C12orf42: variants seen among roughly 807,000 people sequenced by gnomAD.
C12orf42 encodes chromosome 12 open reading frame 42.
In C12orf42, 25 loss-of-function variants were observed where a neutral mutation model predicts 21.6. The observed-to-expected ratio is 1.16, with a 90% CI of 0.84 to 1.62. The LOEUF (loss-of-function observed/expected upper bound fraction) is 1.62. Ranked by LOEUF, C12orf42 falls within the 40% of genes most tolerant of loss-of-function variation. The pLI is 0.00. For missense variants in C12orf42, 483 were observed against 459.3 expected (o/e 1.05, Z -0.47); for synonymous variants, 174 against 175.0 (o/e 0.99, Z 0.05).
the C12orf42 span, among the ~76,000 whole-genome samples, chr12:103,223,257 G>C: frequency 5.3e-5 from 8 of 152,116 alleles, no homozygotes; most frequent in Non-Finnish European, 1.2e-4. Flanking sequence ...TGGGATTAGG[G>C]GCGTCGTGGG....
chr12:103,321,850 C>T (rs1238330995), intron 4 of C12orf42, among the ~76,000 whole-genome samples: 61 of 150,326 alleles, frequency 4.1e-4, no homozygotes, highest in Non-Finnish European at 8.4e-4. Flanking sequence ...GAACATCACA[C>T]TCTGGGGCCT....
chr12:103,229,978 T>C, the C12orf42 span, among the ~76,000 whole-genome samples: 699 of 152,340 alleles, frequency 4.6e-3, 5 homozygotes, highest in Middle Eastern at 6.8e-3. Flanking sequence ...AAAAAGTTTG[T>C]AAACCTGACA....
At chr12:103,377,603 C>T (rs948423519) in intron 3 of C12orf42, among the ~76,000 whole-genome samples, 5 of 152,138 alleles carry the variant, frequency 3.3e-5, no homozygotes, top group Admixed American at 6.5e-5. Flanking sequence ...ACCTCATCCC[C>T]GAGCTGGGAG....
At chr12:103,358,777 A>G (rs531299257) in intron 4 of C12orf42, among the ~76,000 whole-genome samples, 1 of 152,108 alleles carries the variant, frequency 6.6e-6, no homozygotes, top group South Asian at 2.1e-4. Context: ...GTTCTTCTTT[A>G]TCTCTCACTT....
the C12orf42 span, among the ~76,000 whole-genome samples, chr12:103,121,233 T>G: frequency 2.0e-5 from 3 of 152,218 alleles, no homozygotes; most frequent in Non-Finnish European, 4.4e-5. Flanking sequence ...GAAGTAAAAA[T>G]AATCAGTTAT....
At chr12:103,063,207 C>T in the C12orf42 span, among the ~76,000 whole-genome samples, 626 of 152,206 alleles carry the variant, frequency 4.1e-3, 5 homozygotes, top group South Asian at 0.031. Flanking sequence ...TTCTAATTCC[C>T]GGCTTCAGAA....
At chr12:103,170,236 T>G in the C12orf42 span, among the ~76,000 whole-genome samples, 9 of 152,184 alleles carry the variant, frequency 5.9e-5, 1 homozygote, top group South Asian at 8.3e-4. Context: ...TATACCCTTA[T>G]GCCATGACAT....
chr12:103,070,206 C>T, the C12orf42 span, among the ~76,000 whole-genome samples: 2 of 152,158 alleles, frequency 1.3e-5, no homozygotes, highest in Non-Finnish European at 2.9e-5. Flanking sequence ...GCTCATTTCT[C>T]TGCACCTCAC....
intron 4 of C12orf42, among the ~76,000 whole-genome samples, chr12:103,330,883 A>G (rs2080181570): frequency 6.6e-6 from 1 of 152,224 alleles, no homozygotes; most frequent in Admixed American, 6.5e-5. Flanking sequence ...CAAATACCTG[A>G]TAAGGCAAAT....
chr12:103,475,539 A>C (rs1953983364), intron 2 of C12orf42, among the ~76,000 whole-genome samples: 2 of 152,156 alleles, frequency 1.3e-5, no homozygotes, highest in Admixed American at 1.3e-4. Flanking sequence ...AATAAATGAC[A>C]CTCAGTTCCA....
At chr12:103,345,149 G>C in intron 4 of C12orf42, among the ~76,000 whole-genome samples, 1 of 152,096 alleles carries the variant, frequency 6.6e-6, no homozygotes, top group South Asian at 2.1e-4. Context: ...CCCTCATAAG[G>C]ATTTTTGGGA....
At chr12:103,207,272 CTTT>C in the C12orf42 span, among the ~76,000 whole-genome samples, 1 of 152,320 alleles carries the variant, frequency 6.6e-6, no homozygotes, top group African/African-American at 2.4e-5. Context: ...ATTTAGGGTT[CTTT>C]GTTACCAAGA....
intron 10 of C12orf42, among the ~76,000 whole-genome samples, chr12:103,259,599 C>A (rs1189564646): frequency 6.6e-6 from 1 of 152,152 alleles, no homozygotes; most frequent in African/African-American, 2.4e-5. Flanking sequence ...AACTTTAAAT[C>A]TCAGGATGTT....
At chr12:103,340,426 G>A (rs1372778471) in intron 4 of C12orf42, among the ~76,000 whole-genome samples, 3 of 152,200 alleles carry the variant, frequency 2.0e-5, no homozygotes, top group Non-Finnish European at 4.4e-5. Flanking sequence ...CTCAGTGATG[G>A]GGAATTAGCC....
intron 5 of C12orf42, among the ~76,000 whole-genome samples, chr12:103,273,406 T>C (rs2035579577): frequency 6.6e-6 from 1 of 152,182 alleles, no homozygotes; most frequent in African/African-American, 2.4e-5. Context: ...CTGCTTTAAG[T>C]AGTTATTTTA....
At chr12:103,277,141 G>T (rs374765625) in intron 5 of C12orf42, 1 of 455,550 alleles carries the variant, frequency 2.2e-6, no homozygotes, top group African/African-American at 2.0e-5. Flanking sequence ...CATACCAAAC[G>T]ATACTCACTC....
chr12:103,214,717 G>A, the C12orf42 span, among the ~76,000 whole-genome samples: 2 of 152,190 alleles, frequency 1.3e-5, no homozygotes, highest in Non-Finnish European at 2.9e-5. Context: ...AGTTAAGGGA[G>A]TCCACTGAAA....
chr12:103,118,792 A>G, the C12orf42 span, among the ~76,000 whole-genome samples: 7 of 151,074 alleles, frequency 4.6e-5, no homozygotes, highest in African/African-American at 1.7e-4. Flanking sequence ...AAAAAAAAAA[A>G]AAAAAAAAAA....
At chr12:103,348,982 T>G (rs955441025) in intron 4 of C12orf42, 1 of 152,108 alleles carries the variant, frequency 6.6e-6, no homozygotes, top group Non-Finnish European at 1.5e-5. Flanking sequence ...CAAACAGAAA[T>G]CACCTTTTAT....
Sources: allele counts gnomAD v4.1 joint callset (sites outside exome capture counted in the v4.1 genomes callset), GRCh38; gene constraint gnomAD v4.1.1; transcripts MANE v1.5; gene names NCBI Gene and HGNC (gene_info 2026-07-23, HGNC 2026-07-21).